The following KIF6 variants were observed in gnomAD, a reference collection of about 807,000 sequenced individuals.
The protein encoded by KIF6 is kinesin family member 6, also known as kinesin-like protein KIF6.
Under a neutral mutation model 112.7 loss-of-function variants are expected in KIF6, and 106 were observed. The observed-to-expected ratio is 0.94, with a 90% CI of 0.80 to 1.11. The LOEUF is 1.11. Ranked by LOEUF, KIF6 falls within the 50% of genes least tolerant of loss-of-function variation. The probability of loss-of-function intolerance (pLI) is 0.00; values close to 1 mark genes in which losing one functional copy is unlikely to be tolerated. For missense variants in KIF6, 929 were observed against 964.0 expected (o/e 0.96, Z 0.48); for synonymous variants, 339 against 339.9 (o/e 1.00, Z 0.03).
chr6:39,634,875 A>G lies in KIF6; in HGVS notation c.483T>C (p.His161=), dbSNP rs749927784. Residue 161 remains histidine (H), a synonymous_variant, in exon 5 of 23, where the codon CAT becomes CAC. Coordinates refer to ENST00000287152, the MANE Select transcript of KIF6 (RefSeq NM_145027.6). ...ECGYDLLDPR[H]EASSLEDLPK... is the part of the protein sequence containing the mutation. ...GCAAATCTTCCAAACTGGAGGCTTC[A>G]TGTCTTGGATCCAAAAGATCATAAC... 1 of 1,609,722 alleles carries G rather than the reference A, an allele frequency of 6.2e-7. No individual in the cohort carries two copies. The highest frequency in any genetic ancestry group is 8.5e-7 in the Non-Finnish European group (1 of 1,176,278).
chr6:39,666,768 T>A (rs1483303249), intron 3 of KIF6, among the ~76,000 whole-genome samples: 1 of 152,190 alleles, frequency 6.6e-6, no homozygotes, highest in African/African-American at 2.4e-5. Context: ...AGGGGAGATT[T>A]CTTGCATTTT....
intron 4 of KIF6, among the ~76,000 whole-genome samples, chr6:39,637,644 C>A (rs1286679451): frequency 4.6e-5 from 7 of 151,886 alleles, no homozygotes; most frequent in African/African-American, 9.7e-5. Flanking sequence ...GCTCCATGTA[C>A]CTCTCTAAGG....
At chr6:39,479,482 C>T (rs1047386814) in intron 13 of KIF6, among the ~76,000 whole-genome samples, 4 of 152,076 alleles carry the variant, frequency 2.6e-5, no homozygotes, top group Non-Finnish European at 5.9e-5. Context: ...CAGTACCATG[C>T]TGTTTTGGTG....
intron 19 of KIF6, 117 bp from the exon 20 acceptor site, chr6:39,346,643 T>C: frequency 1.9e-6 from 1 of 537,438 alleles, no homozygotes; most frequent in Non-Finnish European, 3.3e-6. Flanking sequence ...TACACAGTAA[T>C]TTTCTTTTTT....
chr6:39,655,295 A>G (rs1448744453), intron 3 of KIF6, among the ~76,000 whole-genome samples: 1 of 152,008 alleles, frequency 6.6e-6, no homozygotes, highest in Non-Finnish European at 1.5e-5. Flanking sequence ...ATGTCCTTTG[A>G]CTACTTTTGT....
intron 15 of KIF6, among the ~76,000 whole-genome samples, chr6:39,404,247 C>G: frequency 6.6e-6 from 1 of 151,864 alleles, no homozygotes; most frequent in East Asian, 1.9e-4. Context: ...TGTTGCGAAA[C>G]CCCAGACATG....
intron 3 of KIF6, among the ~76,000 whole-genome samples, chr6:39,679,494 G>A (rs1415150426): frequency 1.3e-5 from 2 of 152,058 alleles, no homozygotes; most frequent in African/African-American, 4.8e-5. Context: ...AATTCCCTTT[G>A]GCTTTTGAAC....
Position 39,372,220 on chromosome 6 carries a change from G to C in KIF6, c.1862-9702C>G, listed in dbSNP as rs189765045. ...TATGGGGTTGATCAATTTCCATCCAGGGGCAGAGGAAGAACTTTCCCTCCT... is the reference window on the plus strand; with the variant it reads ...TATGGGGTTGATCAATTTCCATCCACGGGCAGAGGAAGAACTTTCCCTCCT... On this transcript the variant is annotated intron_variant, in intron 16 of 22. Coordinates refer to ENST00000287152, the MANE Select transcript of KIF6 (RefSeq NM_145027.6). Among the ~76,000 whole-genome samples, 487 of 149,082 alleles carry C rather than the reference G, an allele frequency of 3.3e-3. 3 individuals carry two copies. The highest frequency in any genetic ancestry group is 0.012 in the African/African-American group (465 of 39,160).
chr6:39,453,861 G>T (rs1185202987), intron 13 of KIF6, among the ~76,000 whole-genome samples: 2 of 152,106 alleles, frequency 1.3e-5, no homozygotes, highest in African/African-American at 4.8e-5. Context: ...TGGCTTCTTG[G>T]CATAGTTCTC....
At chr6:39,424,109 C>A (rs543193087) in intron 14 of KIF6, among the ~76,000 whole-genome samples, 5 of 152,296 alleles carry the variant, frequency 3.3e-5, no homozygotes, top group Admixed American at 1.3e-4. Context: ...TCTTCCATCC[C>A]CCACAACATT....
At chr6:39,345,664 G>A in intron 21 of KIF6, 36 bp downstream of exon 21, 1 of 1,566,116 alleles carries the variant, frequency 6.4e-7, no homozygotes, top group Middle Eastern at 1.7e-4. Context: ...CCCACTGCAG[G>A]GGCTGTCACA....
chr6:39,431,007 C>G, intron 14 of KIF6, 46 bp downstream of exon 14: 1 of 1,171,562 alleles, frequency 8.5e-7, no homozygotes, highest in East Asian at 2.4e-5. Context: ...TCTAGGCTGG[C>G]CTGGCTGAGC....
chr6:39,405,788 A>G lies in KIF6; in HGVS notation c.1810+14160T>C, dbSNP rs575733250. 1.2e-3 allele frequency among the ~76,000 whole-genome samples: 184 copies of G among 152,196 alleles called. 1 individual carries two copies. The highest frequency in any genetic ancestry group is 2.1e-3 in the Non-Finnish European group (144 of 68,030). On this transcript the variant is annotated intron_variant, in intron 15 of 22. Transcript: ENST00000287152. ...TATTTCTTTTTAAAATGTTTGGTAG[A>G]ATACTACAATGAAACTCTCTGGGCC...
At chr6:39,466,706 C>T (rs1365365980) in intron 13 of KIF6, among the ~76,000 whole-genome samples, 2 of 152,064 alleles carry the variant, frequency 1.3e-5, no homozygotes, top group African/African-American at 4.8e-5. Context: ...AGCAGGCCAC[C>T]CACATTTCTC....
chr6:39,690,244 T>C (rs567684338), intron 3 of KIF6: 43 of 152,242 alleles, frequency 2.8e-4, no homozygotes, highest in Admixed American at 2.4e-3. Context: ...TTCAATAATA[T>C]ATTATAGTGA....
At chr6:39,409,058 C>T (rs577716852) in intron 15 of KIF6, among the ~76,000 whole-genome samples, 63 of 152,236 alleles carry the variant, frequency 4.1e-4, no homozygotes, top group African/African-American at 1.5e-3. Context: ...GAGCAATATT[C>T]ATAAGTTTCA....
chr6:39,586,418 GAA>G lies in KIF6; in HGVS notation c.847-16_847-15del, dbSNP rs753498618. On this transcript the variant is annotated splice_polypyrimidine_tract_variant and intron_variant, in intron 7 of 22. Transcript: ENST00000287152. ...GGCAATGATAACCTGTGGTAAAGTA[GAA>G]AGATAATGGGATTAATTTAGCAAGA... 7.4e-6 allele frequency: 12 copies of G among 1,611,256 alleles called. No homozygotes were observed. Among genetic ancestry groups the G allele is most frequent in the Non-Finnish European group, 9.3e-6 (11 of 1,177,898 alleles).
At chr6:39,537,081 T>C (rs1010371114) in intron 13 of KIF6, among the ~76,000 whole-genome samples, 2 of 152,282 alleles carry the variant, frequency 1.3e-5, no homozygotes, top group East Asian at 1.9e-4. Context: ...TAATAAGAGC[T>C]ATCTATGACA....
chr6:39,617,912 T>C (rs1376522980), intron 5 of KIF6, among the ~76,000 whole-genome samples: 1 of 152,200 alleles, frequency 6.6e-6, no homozygotes. Context: ...CATTCACTTG[T>C]TTGTCAGTTC....
Sources: allele counts gnomAD v4.1 joint callset (sites outside exome capture counted in the v4.1 genomes callset), GRCh38; gene constraint gnomAD v4.1.1; transcripts MANE v1.5; gene names NCBI Gene and HGNC (gene_info 2026-07-23, HGNC 2026-07-21).